Variants in DYNC2H1 observed in about 807,000 individuals in gnomAD.
The protein encoded by DYNC2H1 is dynein cytoplasmic 2 heavy chain 1.
Under a neutral mutation model 570.0 loss-of-function variants are expected in DYNC2H1, and 410 were observed. The observed-to-expected ratio is 0.72, with a 90% CI of 0.66 to 0.78. The LOEUF is 0.78. Ranked by LOEUF, DYNC2H1 falls within the 30% of genes least tolerant of loss-of-function variation. The pLI is 0.00. For missense variants in DYNC2H1, 4,865 were observed against 5,046.4 expected (o/e 0.96, Z 1.09); for synonymous variants, 1,688 against 1,677.6 (o/e 1.01, Z -0.15).
chr11:103,351,580 A>C (rs985363997), intron 82 of DYNC2H1, among the ~76,000 whole-genome samples: 1 of 152,026 alleles, frequency 6.6e-6, no homozygotes, highest in African/African-American at 2.4e-5. Flanking sequence ...TTTCCTCTAA[A>C]TATTGAGAAG....
chr11:103,235,862 C>G (rs1333456485), intron 62 of DYNC2H1, 49 bp downstream of exon 62: 1 of 1,595,398 alleles, frequency 6.3e-7, no homozygotes, highest in Non-Finnish European at 8.5e-7. Context: ...TTAGTTATTC[C>G]TGAATTTAAA....
chr11:103,139,223 C>T (rs1180444206), intron 17 of DYNC2H1, among the ~76,000 whole-genome samples: 1 of 151,978 alleles, frequency 6.6e-6, no homozygotes, highest in Admixed American at 6.6e-5. Context: ...TTCAGTTCTG[C>T]TCAGATTTTA....
intron 70 of DYNC2H1, among the ~76,000 whole-genome samples, chr11:103,266,377 G>C (rs1865505934): frequency 6.6e-6 from 1 of 152,078 alleles, no homozygotes. Flanking sequence ...GGCCCCTGTG[G>C]GTGCAGGTGG....
chr11:103,113,092 C>T (rs1322751620), intron 1 of DYNC2H1, among the ~76,000 whole-genome samples: 1 of 152,046 alleles, frequency 6.6e-6, no homozygotes, highest in Non-Finnish European at 1.5e-5. Flanking sequence ...TTTTAAAATG[C>T]TTTTTCTAAG....
intron 84 of DYNC2H1, chr11:103,403,578 A>G (rs1310690891): frequency 6.6e-6 from 1 of 152,114 alleles, no homozygotes; most frequent in African/African-American, 2.4e-5. Context: ...GGTTAGACCC[A>G]CACATTTTTG....
chr11:103,174,244 T>C, intron 36 of DYNC2H1, 74 bp downstream of exon 36: 1 of 1,294,510 alleles, frequency 7.7e-7, no homozygotes, highest in Non-Finnish European at 1.1e-6. Context: ...GTTTGAGATT[T>C]ACAGAAAAGT....
chr11:103,216,198 A>G (rs532606694), intron 55 of DYNC2H1, among the ~76,000 whole-genome samples: 1 of 152,234 alleles, frequency 6.6e-6, no homozygotes, highest in Non-Finnish European at 1.5e-5. Flanking sequence ...TCTCTCCTTC[A>G]GGCTTTGAGA....
chr11:103,372,837 T>C (rs1025168753), intron 83 of DYNC2H1, among the ~76,000 whole-genome samples: 1 of 152,226 alleles, frequency 6.6e-6, no homozygotes, highest in Non-Finnish European at 1.5e-5. Flanking sequence ...TTTAAATGTT[T>C]ATGGTAGAGT....
At chr11:103,427,407 C>T (rs1943710406) in intron 84 of DYNC2H1, among the ~76,000 whole-genome samples, 1 of 152,140 alleles carries the variant, frequency 6.6e-6, no homozygotes, top group Non-Finnish European at 1.5e-5. Flanking sequence ...AACTTACCTT[C>T]GTCTTTCCCA....
chr11:103,432,755 T>C lies in DYNC2H1; in HGVS notation c.12367-3188T>C, dbSNP rs767778122. Among the ~76,000 whole-genome samples, 5 of 152,260 alleles carry C rather than the reference T, an allele frequency of 3.3e-5. No homozygotes were observed. In the East Asian group the frequency reaches 7.7e-4, roughly 24 times the overall value. On this transcript the variant is annotated intron_variant, in intron 84 of 88. Transcript: ENST00000375735. ...AATATCAAACAGCAAATTCTAACAA[T>C]GTAAAAACTGCAGTTACTTTTGCAC...
At chr11:103,125,077 A>C (rs1858921297) in intron 11 of DYNC2H1, 23 bp from the exon 12 acceptor site, 1 of 1,563,246 alleles carries the variant, frequency 6.4e-7, no homozygotes, top group African/African-American at 1.4e-5. Flanking sequence ...GAAACTTAAC[A>C]GGTTATTTAT....
At position 103,113,690 on chromosome 11, in the gene DYNC2H1, G is replaced by A. The variant is rs747976646; in HGVS notation, c.349G>A (p.Ala117Thr). 62 of 1,529,980 alleles carry A rather than the reference G, an allele frequency of 4.1e-5. 1 individual carries two copies. The highest frequency in any genetic ancestry group is 3.3e-5 in the Non-Finnish European group (38 of 1,148,366). 94.8% of individuals were successfully genotyped at this position (1,529,980 alleles called of 1,614,324 possible). A position where few individuals can be genotyped will look rare whatever the true frequency, so the allele number is the denominator to read the frequency against. Reference protein sequence around the residue: ...SLYQAVRQVFAPMLLKDQEWS... With the variant: ...SLYQAVRQVFTPMLLKDQEWS... ...TTACCAAGCAGTACGGCAAGTATTC[G>A]CACCAATGTTGTTAAAGGTGAGAAA... is the stretch of plus-strand genomic sequence containing the variant. Residue 117 changes from alanine (A) to threonine (T), a missense_variant, in exon 2 of 89, where the codon GCA becomes ACA. Physicochemically the swap from Ala to Thr is moderately conservative, Grantham distance 58 (BLOSUM62 0). Coordinates refer to ENST00000375735, the MANE Select transcript of DYNC2H1 (RefSeq NM_001377.3).
At chr11:103,374,788 G>A (rs1941324509) in intron 83 of DYNC2H1, among the ~76,000 whole-genome samples, 1 of 152,166 alleles carries the variant, frequency 6.6e-6, no homozygotes, top group South Asian at 2.1e-4. Flanking sequence ...AAACAGCAAA[G>A]CATTCAAGAG....
rs754349375 is a variant in DYNC2H1 at position 103,129,123 on chromosome 11, C to A, written c.1953+118C>A. 123 of 770,304 alleles carry A rather than the reference C, an allele frequency of 1.6e-4. No individual in the cohort carries two copies. The highest frequency in any genetic ancestry group is 5.7e-4 in the Middle Eastern group (2 of 3,522). The allele number at this position is 770,304 out of a possible 1,614,324, so 47.7% of individuals were successfully genotyped here. On this transcript the variant is annotated intron_variant, in intron 13 of 88. Coordinates refer to ENST00000375735, the MANE Select transcript of DYNC2H1 (RefSeq NM_001377.3). The surrounding 1 kb of genome is among the most constrained non-coding windows in gnomAD (Gnocchi z 4.1). ...AATGATCTAGATTTTGTTTTGCTTC[C>A]AGGGACTTCCTTCAATCTTAGCAAG...
rs1861443502 is a variant in DYNC2H1 at position 103,168,825 on chromosome 11, G to A, written c.4833G>A (p.Lys1611=). 1 of 1,613,276 alleles carries A rather than the reference G, an allele frequency of 6.2e-7. No individual in the cohort carries two copies. Among genetic ancestry groups the A allele is most frequent in the Non-Finnish European group, 8.5e-7 (1 of 1,179,536 alleles). ...LDIIHNIDVV[K]QLNQIQVHTT... ...TTATCCATAATATTGATGTGGTAAAGCAGTTAAACCAAATTCAGGTTCATA... is the reference window on the plus strand; with the variant it reads ...TTATCCATAATATTGATGTGGTAAAACAGTTAAACCAAATTCAGGTTCATA... Residue 1611 remains lysine, a synonymous_variant, in exon 32 of 89, where the codon AAG becomes AAA. Coordinates refer to ENST00000375735, the MANE Select transcript of DYNC2H1 (RefSeq NM_001377.3).
Position 103,192,176 on chromosome 11 carries a change from T to A in DYNC2H1, c.7620T>A (p.Val2540=). 6.3e-7 allele frequency: 1 copy of A among 1,585,698 alleles called. No homozygotes were observed. The highest frequency in any genetic ancestry group is 8.6e-7 in the Non-Finnish European group (1 of 1,163,162). The change falls in exon 47 of 89, where the codon GTT becomes GTA. Residue 2540 remains valine, a synonymous_variant. Coordinates refer to ENST00000375735, the MANE Select transcript of DYNC2H1 (RefSeq NM_001377.3). ...EARRLFRDKI[V]GAKELHLFDI... is the part of the protein sequence containing the mutation. ...GGCGCTTATTTCGTGACAAAATTGTTGGTGCAAAGGAACTTCATTTATTTG... is the reference window on the plus strand; with the variant it reads ...GGCGCTTATTTCGTGACAAAATTGTAGGTGCAAAGGAACTTCATTTATTTG...
intron 82 of DYNC2H1, among the ~76,000 whole-genome samples, chr11:103,355,309 C>T (rs1339760464): frequency 6.6e-6 from 1 of 151,816 alleles, no homozygotes; most frequent in East Asian, 1.9e-4. Flanking sequence ...GTTTATATTC[C>T]TTCTTATTCC....
At chr11:103,311,313 G>A (rs1451410835) in intron 78 of DYNC2H1, among the ~76,000 whole-genome samples, 1 of 151,984 alleles carries the variant, frequency 6.6e-6, no homozygotes, top group Admixed American at 6.6e-5. Context: ...TGATACATAT[G>A]GATGAACATT....
At chr11:103,282,946 G>T in intron 72 of DYNC2H1, 62 bp from the exon 73 acceptor site, 1 of 1,197,418 alleles carries the variant, frequency 8.4e-7, no homozygotes, top group Non-Finnish European at 1.2e-6. Flanking sequence ...CTAATCAATT[G>T]CTATTTTTTA....
Sources: allele counts gnomAD v4.1 joint callset (sites outside exome capture counted in the v4.1 genomes callset), GRCh38; gene constraint gnomAD v4.1.1; non-coding constraint Gnocchi (gnomAD v3.1); transcripts MANE v1.5; gene names NCBI Gene and HGNC (gene_info 2026-07-23, HGNC 2026-07-21).